Variants in FBXO15 observed in about 807,000 individuals in gnomAD.
FBXO15 encodes F-box protein 15.
Under a neutral mutation model 49.5 loss-of-function variants are expected in FBXO15, and 30 were observed. The observed-to-expected ratio is 0.61, with a 90% confidence interval of 0.45 to 0.82. The LOEUF is 0.82. Among genes scored for constraint, FBXO15 ranks in the 40% least tolerant of loss-of-function variants. The probability of loss-of-function intolerance (pLI) is 0.00; values close to 1 mark genes in which losing one functional copy is unlikely to be tolerated. For synonymous variants in FBXO15, 250 were observed against 232.7 expected, an observed-to-expected ratio of 1.07 and a Z score of -0.68; for missense variants, 591 against 631.5, an observed-to-expected ratio of 0.94 and a Z score of 0.69.
chr18:74,084,655 A>G (rs1912661942), intron 8 of FBXO15, among the ~76,000 whole-genome samples: 2 of 152,156 alleles, frequency 1.3e-5, no homozygotes, highest in Admixed American at 1.3e-4. Context: ...TAACTTACCA[A>G]TACACAAGAC....
intron 8 of FBXO15, among the ~76,000 whole-genome samples, chr18:74,091,228 T>C (rs1459663698): frequency 2.0e-5 from 3 of 152,176 alleles, no homozygotes; most frequent in African/African-American, 7.2e-5. Flanking sequence ...GCTTTTTTTC[T>C]CTTTTCTGTT....
chr18:74,082,815 C>T (rs1330449545), intron 8 of FBXO15, among the ~76,000 whole-genome samples: 1 of 152,150 alleles, frequency 6.6e-6, no homozygotes, highest in East Asian at 1.9e-4. Flanking sequence ...AACTCATACC[C>T]GAGAATTCTC....
chr18:74,109,777 A>G (rs1188831626), intron 8 of FBXO15, among the ~76,000 whole-genome samples: 1 of 152,050 alleles, frequency 6.6e-6, no homozygotes, highest in East Asian at 1.9e-4. Context: ...GGAGTTGAAC[A>G]ACGAGAACAC....
rs769388651 is a variant in FBXO15 at position 74,130,628 on chromosome 18, A to C, written c.363T>G (p.Ala121=). 6 of 1,613,848 alleles carry C rather than the reference A, an allele frequency of 3.7e-6. No individual in the cohort carries two copies. The highest frequency in any genetic ancestry group is 5.1e-6 in the Non-Finnish European group (6 of 1,179,928). ...TCCAATTTGATCTTGCAGGTGAAAAAGCAGTTGAGTAGATTCCGATCCAAA... is the reference window on the plus strand; with the variant it reads ...TCCAATTTGATCTTGCAGGTGAAAACGCAGTTGAGTAGATTCCGATCCAAA... ...NFIWIGIYST[A]FSPARSNWKF... Residue 121 remains alanine, a synonymous_variant, in exon 4 of 10, where the codon GCT becomes GCG. Transcript: ENST00000419743.
chr18:74,132,119 T>C (rs1005580323), intron 3 of FBXO15, among the ~76,000 whole-genome samples: 2 of 152,198 alleles, frequency 1.3e-5, no homozygotes, highest in African/African-American at 4.8e-5. Context: ...AGTGTTTGTG[T>C]TTTCAATTCA....
intron 8 of FBXO15, among the ~76,000 whole-genome samples, chr18:74,118,445 C>G (rs1396295441): frequency 1.4e-5 from 2 of 139,102 alleles, no homozygotes; most frequent in Non-Finnish European, 3.1e-5. Flanking sequence ...TACACACACA[C>G]ATGTTGTATA....
chr18:74,075,656 T>A lies in FBXO15; in HGVS notation c.1264-1926A>T, dbSNP rs1451095748. On this transcript the variant is annotated intron_variant, in intron 9 of 9. Coordinates refer to ENST00000419743, the MANE Select transcript of FBXO15 (RefSeq NM_001142958.2). This position sits in a 1 kb window ranked among gnomAD's most constrained non-coding sequence, Gnocchi z 4.1. The stretch of plus-strand genomic sequence containing the variant: ...CATCATCTGACCGAACATCTCTTGA[T>A]AAGGCCACTAAATCCAGTGACCATC... 6.6e-6 allele frequency among the ~76,000 whole-genome samples: 1 copy of A among 152,198 alleles called. No individual in the cohort carries two copies. The highest frequency in any genetic ancestry group is 1.5e-5 in the Non-Finnish European group (1 of 68,034).
At chr18:74,115,497 C>G (rs62097021) in intron 8 of FBXO15, among the ~76,000 whole-genome samples, 13,301 of 152,100 alleles carry the variant, frequency 0.087, 821 homozygotes, top group Admixed American at 0.2. Context: ...AATATCGTGA[C>G]CAAGAGGTGG....
At chr18:74,135,721 A>T in intron 3 of FBXO15, 41 bp downstream of exon 3, 1 of 1,480,884 alleles carries the variant, frequency 6.8e-7, no homozygotes, top group Non-Finnish European at 9.2e-7. Context: ...CTTCCATCAA[A>T]CTGTCATCAA....
chr18:74,113,653 A>G (rs762333841), intron 8 of FBXO15, among the ~76,000 whole-genome samples: 13 of 152,334 alleles, frequency 8.5e-5, no homozygotes, highest in Non-Finnish European at 1.8e-4. Flanking sequence ...TTTGTTATTT[A>G]AGATTTACCT....
chr18:74,083,233 G>A (rs1912580762), intron 8 of FBXO15, among the ~76,000 whole-genome samples: 1 of 152,210 alleles, frequency 6.6e-6, no homozygotes, highest in African/African-American at 2.4e-5. Flanking sequence ...ATTAGCAAGA[G>A]CTGTGTAGCT....
chr18:74,105,689 G>A (rs1227350053), intron 8 of FBXO15, among the ~76,000 whole-genome samples: 1 of 151,854 alleles, frequency 6.6e-6, no homozygotes, highest in Non-Finnish European at 1.5e-5. Context: ...CTTGTGACCT[G>A]CCCATCTCAG....
chr18:74,080,909 C>G (rs1912465183), intron 9 of FBXO15, among the ~76,000 whole-genome samples: 1 of 152,144 alleles, frequency 6.6e-6, no homozygotes, highest in Non-Finnish European at 1.5e-5. Context: ...TCACATTCTG[C>G]CTTTCTTGAT....
chr18:74,093,056 A>G (rs1403733038), intron 8 of FBXO15, among the ~76,000 whole-genome samples: 1 of 152,086 alleles, frequency 6.6e-6, no homozygotes, highest in African/African-American at 2.4e-5. Flanking sequence ...ATGTGTTCAT[A>G]CCAGCAGAAG....
intron 4 of FBXO15, 86 bp downstream of exon 4, chr18:74,130,330 C>A (rs1978324164): frequency 1.3e-6 from 2 of 1,524,226 alleles, no homozygotes; most frequent in South Asian, 2.5e-5. Flanking sequence ...TAGAGACAGT[C>A]CCACACAATC....
chr18:74,116,093 A>G (rs1242875228), intron 8 of FBXO15, among the ~76,000 whole-genome samples: 2 of 152,236 alleles, frequency 1.3e-5, no homozygotes, highest in African/African-American at 2.4e-5. Flanking sequence ...TAATTACCAA[A>G]AAAAAGGAAA....
At chr18:74,110,705 G>A (rs1183824952) in intron 8 of FBXO15, among the ~76,000 whole-genome samples, 4 of 149,212 alleles carry the variant, frequency 2.7e-5, no homozygotes, top group Non-Finnish European at 6.0e-5. Context: ...TACAAATTAA[G>A]TGGAAGGAAA....
At chr18:74,140,521 T>C (rs1226616844) in intron 1 of FBXO15, among the ~76,000 whole-genome samples, 1 of 150,046 alleles carries the variant, frequency 6.7e-6, no homozygotes, top group African/African-American at 2.5e-5. Context: ...AGTGAAACCT[T>C]GATGGTAAGC....
At chr18:74,139,527 C>T (rs550593707) in intron 2 of FBXO15, among the ~76,000 whole-genome samples, 1 of 152,250 alleles carries the variant, frequency 6.6e-6, no homozygotes, top group Admixed American at 6.5e-5. Context: ...GTTAGCTGAG[C>T]AAGCTGTGAT....
Sources: gnomAD v4.1 joint callset for allele counts (sites outside exome capture counted in the v4.1 genomes callset) on GRCh38, gnomAD v4.1.1 for gene constraint, Gnocchi (gnomAD v3.1) non-coding constraint, MANE v1.5 for transcripts, NCBI Gene and HGNC (gene_info 2026-07-23, HGNC 2026-07-21) for gene names.